PRKAG2: variants seen among roughly 807,000 people sequenced by gnomAD.
The protein encoded by PRKAG2 is 5'-AMP-activated protein kinase subunit gamma-2.
A neutral mutation model predicts 69.6 loss-of-function variants in PRKAG2; 26 were observed. That is an observed-to-expected ratio of 0.37 (90% CI 0.27 to 0.52). PRKAG2 has a LOEUF of 0.52. PRKAG2 is among the 20% of genes least tolerant of loss of function. PRKAG2 has a pLI of 0.90. For missense variants in PRKAG2, 557 were observed against 740.0 expected (o/e 0.75, Z 2.87); for synonymous variants, 293 against 285.0 (o/e 1.03, Z -0.28).
chr7:151,662,570 C>T (rs915540086), intron 4 of PRKAG2, among the ~76,000 whole-genome samples: 3 of 152,158 alleles, frequency 2.0e-5, no homozygotes, highest in Non-Finnish European at 2.9e-5. Flanking sequence ...TAGTCTTTTC[C>T]GCATAAATTC....
chr7:151,799,622 G>A (rs185039358), intron 1 of PRKAG2, among the ~76,000 whole-genome samples: 1 of 152,324 alleles, frequency 6.6e-6, no homozygotes, highest in East Asian at 1.9e-4. Context: ...GCCGCTCCAG[G>A]AACTTCCCAG....
chr7:151,750,516 T>C (rs2074595450), intron 3 of PRKAG2, among the ~76,000 whole-genome samples: 1 of 152,154 alleles, frequency 6.6e-6, no homozygotes, highest in African/African-American at 2.4e-5. Context: ...CCGCAGGTCA[T>C]GGGGTTCTGT....
intron 1 of PRKAG2, among the ~76,000 whole-genome samples, chr7:151,870,628 G>T (rs2080198358): frequency 6.6e-6 from 1 of 152,178 alleles, no homozygotes; most frequent in Non-Finnish European, 1.5e-5. Context: ...CGATCCTCCA[G>T]CCCCGGGGCA....
chr7:151,627,891 T>G (rs1419903075), intron 5 of PRKAG2, among the ~76,000 whole-genome samples: 1 of 152,166 alleles, frequency 6.6e-6, no homozygotes, highest in Non-Finnish European at 1.5e-5. Flanking sequence ...CTTGAACTCC[T>G]GGCCTTAAGC....
At chr7:151,562,371 T>C (rs1007131574) in intron 14 of PRKAG2, among the ~76,000 whole-genome samples, 3 of 146,526 alleles carry the variant, frequency 2.0e-5, no homozygotes, top group African/African-American at 7.5e-5. Flanking sequence ...AACAGGGACA[T>C]AGGAAGGAGA....
chr7:151,876,458 G>C, intron 1 of PRKAG2, 49 bp downstream of exon 1: 1 of 1,547,192 alleles, frequency 6.5e-7, no homozygotes, highest in Non-Finnish European at 8.8e-7. Flanking sequence ...CGCCGGGGAC[G>C]GGAGCGACAG....
At chr7:151,575,258 A>G (rs535337669) in intron 7 of PRKAG2, among the ~76,000 whole-genome samples, 150 of 152,376 alleles carry the variant, frequency 9.8e-4, no homozygotes, top group African/African-American at 3.5e-3. Flanking sequence ...TTACAGGTAA[A>G]TAATTTTAAG....
intron 3 of PRKAG2, chr7:151,736,021 C>T (rs1799739704): frequency 8.5e-6 from 13 of 1,536,028 alleles, no homozygotes; most frequent in Non-Finnish European, 1.1e-5. Flanking sequence ...GGAGTGGCGA[C>T]AGGTGAACAT....
chr7:151,557,638 G>A (rs984760787), intron 15 of PRKAG2: 9 of 804,508 alleles, frequency 1.1e-5, no homozygotes, highest in Non-Finnish European at 1.4e-5. Flanking sequence ...GGGAGGCCGA[G>A]GCGGGCGGAT....
intron 4 of PRKAG2, among the ~76,000 whole-genome samples, chr7:151,666,776 T>C (rs1585612922): frequency 6.6e-6 from 1 of 152,156 alleles, no homozygotes; most frequent in African/African-American, 2.4e-5. Context: ...TAACCAACCA[T>C]CCTGCAGCCT....
chr7:151,714,152 G>T lies in PRKAG2; in HGVS notation c.467-38515C>A, dbSNP rs188426102. ...TCTCCATTGGAGTACGGGCTTTACG[G>T]GGTTGTCATGGGGAATAAACAAGAT... On this transcript the variant is annotated intron_variant, in intron 3 of 15. Transcript: ENST00000287878. 3.9e-5 allele frequency among the ~76,000 whole-genome samples: 6 copies of T among 152,238 alleles called. No homozygotes were observed. In the East Asian group the frequency reaches 1.2e-3, roughly 29 times the overall value.
At chr7:151,798,477 GC>G (rs1299015505) in intron 1 of PRKAG2, among the ~76,000 whole-genome samples, 3 of 152,078 alleles carry the variant, frequency 2.0e-5, no homozygotes, top group African/African-American at 7.3e-5. Context: ...ACCACGCCCG[GC>G]TAATTTTTCT....
intron 1 of PRKAG2, among the ~76,000 whole-genome samples, chr7:151,804,146 C>T (rs996814092): frequency 2.6e-5 from 4 of 152,084 alleles, no homozygotes; most frequent in African/African-American, 7.2e-5. Context: ...CTTACTGCCT[C>T]GCCTATCTGG....
intron 3 of PRKAG2, among the ~76,000 whole-genome samples, chr7:151,703,186 G>A (rs988850155): frequency 2.6e-5 from 4 of 152,156 alleles, no homozygotes; most frequent in South Asian, 2.1e-4. Context: ...ACTCATCAGC[G>A]CGCGCGAAGC....
chr7:151,558,454 C>A lies in PRKAG2; in HGVS notation c.1679-1222G>T, dbSNP rs184130702. The A allele has an allele frequency of 3.0e-6, 3 of 984,894 alleles. No individual in the cohort carries two copies. In the African/African-American group the frequency reaches 5.2e-5, roughly 17 times the overall value. The allele number at this position is 984,894 out of a possible 1,614,324, so 61.0% of individuals were successfully genotyped here. On this transcript the variant is annotated intron_variant, in intron 15 of 15. Transcript: ENST00000287878. ...AGGAGGGAGACGGGCCTGTATCAGCCGGCTCCTTCTCTACTGAAGAAATTG... is the reference window on the plus strand; with the variant it reads ...AGGAGGGAGACGGGCCTGTATCAGCAGGCTCCTTCTCTACTGAAGAAATTG...
At chr7:151,768,970 T>C (rs1300476195) in intron 3 of PRKAG2, among the ~76,000 whole-genome samples, 1 of 152,234 alleles carries the variant, frequency 6.6e-6, no homozygotes, top group Admixed American at 6.5e-5. Context: ...GGAGTTCTAA[T>C]GCACTGTGGC....
intron 3 of PRKAG2, among the ~76,000 whole-genome samples, chr7:151,725,474 C>T (rs112721175): frequency 1.3e-5 from 2 of 151,296 alleles, no homozygotes; most frequent in Admixed American, 6.6e-5. Context: ...TGCACAGCCA[C>T]GTGCGTGTAC....
intron 4 of PRKAG2, among the ~76,000 whole-genome samples, chr7:151,647,119 T>C (rs775459921): frequency 1.3e-5 from 2 of 152,228 alleles, no homozygotes; most frequent in Admixed American, 6.5e-5. Context: ...CAAGCAAGCA[T>C]GCAGCCCTGA....
At chr7:151,786,362 T>C in intron 2 of PRKAG2, 108 bp downstream of exon 2, 1 of 1,104,198 alleles carries the variant, frequency 9.1e-7, no homozygotes, top group Non-Finnish European at 1.3e-6. Flanking sequence ...CAAGCGGACA[T>C]GCGGGTGGGC....
Sources: allele counts gnomAD v4.1 joint callset (sites outside exome capture counted in the v4.1 genomes callset), GRCh38; gene constraint gnomAD v4.1.1; transcripts MANE v1.5; gene names NCBI Gene and HGNC (gene_info 2026-07-23, HGNC 2026-07-21).